KIF16B: variants seen among roughly 807,000 people sequenced by gnomAD.
KIF16B encodes the protein kinesin-like protein KIF16B.
In KIF16B, 98 loss-of-function variants were observed where a neutral mutation model predicts 156.3. The observed-to-expected ratio is 0.63, with a 90% confidence interval of 0.53 to 0.74. The LOEUF is 0.74. KIF16B is among the 30% of genes least tolerant of loss of function. The pLI, the probability that KIF16B is intolerant of heterozygous loss-of-function variation, is 0.00. For synonymous variants in KIF16B, 564 were observed against 583.7 expected, an observed-to-expected ratio of 0.97 and a Z score of 0.49; for missense variants, 1,421 against 1,606.5, an observed-to-expected ratio of 0.88 and a Z score of 1.97.
At chr20:16,347,508 G>T (rs892784555) in intron 23 of KIF16B, among the ~76,000 whole-genome samples, 13 of 152,140 alleles carry the variant, frequency 8.5e-5, no homozygotes, top group Admixed American at 7.9e-4. Context: ...AGATAAATAT[G>T]GCTGTCCAAG....
At position 16,475,598 on chromosome 20, in the gene KIF16B, G is replaced by A. The variant is rs143352030; in HGVS notation, c.1302+18693C>T. ...CAGAGGTTACTTGGCTAGAGTGGAC[G>A]TTACCAAATGTACAACGAAGGATGA... On this transcript the variant is annotated intron_variant, in intron 12 of 25. Coordinates refer to ENST00000354981, the MANE Select transcript of KIF16B (RefSeq NM_024704.5). Among the ~76,000 whole-genome samples, 73 of 152,282 alleles carry A rather than the reference G, an allele frequency of 4.8e-4. No individual in the cohort carries two copies. The East Asian group carries it at 0.013, about 27-fold the overall frequency.
At chr20:16,280,359 A>T (rs1423416248) in intron 25 of KIF16B, among the ~76,000 whole-genome samples, 1 of 152,188 alleles carries the variant, frequency 6.6e-6, no homozygotes. Flanking sequence ...ATTTTAGACC[A>T]GGGGATGGAG....
At chr20:16,295,256 T>C (rs1053125882) in intron 25 of KIF16B, among the ~76,000 whole-genome samples, 1 of 152,174 alleles carries the variant, frequency 6.6e-6, no homozygotes, top group African/African-American at 2.4e-5. Context: ...CAGGCCACGG[T>C]GGCTGCTGGC....
At chr20:16,316,594 G>C (rs1042174175) in intron 24 of KIF16B, among the ~76,000 whole-genome samples, 7 of 152,124 alleles carry the variant, frequency 4.6e-5, no homozygotes, top group African/African-American at 1.7e-4. Context: ...TGAATGACTG[G>C]AATGAAGAAG....
rs1165831837 is a variant in KIF16B, at chr20:16,511,476, T to C, written c.498A>G (p.Ser166=). Residue 166 remains serine (S), a synonymous_variant, in exon 6 of 26, where the codon TCA becomes TCG. Transcript: ENST00000354981. ...ERVRDLLRRK[S]SKTFNLRVRE... ...GGACTCTCAAATTGAAGGTTTTAGATGACTTCCGCCGAAGTAGATCTCTCA... is the reference window on the plus strand; with the variant it reads ...GGACTCTCAAATTGAAGGTTTTAGACGACTTCCGCCGAAGTAGATCTCTCA... The C allele has an allele frequency of 5.6e-6, 9 of 1,613,048 alleles. No homozygotes were observed. Among genetic ancestry groups the C allele is most frequent in the Non-Finnish European group, 7.6e-6 (9 of 1,179,378 alleles).
At chr20:16,420,572 C>T (rs1210759097) in intron 15 of KIF16B, among the ~76,000 whole-genome samples, 1 of 152,124 alleles carries the variant, frequency 6.6e-6, no homozygotes, top group Non-Finnish European at 1.5e-5. Flanking sequence ...ACCAGGAATC[C>T]AGTCAATTGT....
intron 10 of KIF16B, among the ~76,000 whole-genome samples, chr20:16,499,705 A>G (rs6135765): frequency 0.23 from 34,383 of 152,156 alleles, 4,457 homozygotes; most frequent in East Asian, 0.35. Flanking sequence ...ATCAAAGCTG[A>G]AACAGTTCTG....
chr20:16,414,380 C>T (rs548692554), intron 15 of KIF16B, among the ~76,000 whole-genome samples: 1 of 152,234 alleles, frequency 6.6e-6, no homozygotes, highest in African/African-American at 2.4e-5. Flanking sequence ...ATCAGATCAT[C>T]AGTTAGTAAT....
At chr20:16,474,711 G>C in intron 12 of KIF16B, among the ~76,000 whole-genome samples, 1 of 152,142 alleles carries the variant, frequency 6.6e-6, no homozygotes, top group Non-Finnish European at 1.5e-5. Flanking sequence ...AAACCATAAG[G>C]GAGAGACCAA....
intron 22 of KIF16B, among the ~76,000 whole-genome samples, chr20:16,363,520 A>G (rs774327600): frequency 3.9e-5 from 6 of 152,198 alleles, no homozygotes; most frequent in Admixed American, 3.3e-4. Context: ...GTAGTAGTAC[A>G]TATCCTGAGT....
chr20:16,352,505 C>T (rs1400281020), intron 23 of KIF16B, among the ~76,000 whole-genome samples: 1 of 152,166 alleles, frequency 6.6e-6, no homozygotes, highest in African/African-American at 2.4e-5. Flanking sequence ...AGAAGATGAG[C>T]ATCTGGGAAC....
Position 16,335,925 on chromosome 20 carries a change from C to T in KIF16B, c.3711+1G>A. On this transcript the variant is annotated splice_donor_variant, in intron 24 of 25. Transcript: ENST00000354981. LOFTEE classifies it high-confidence loss of function. ...TCGGAGATAATAATTTCATAACTTA[C>T]CTCTGCATACTTTAACTTCAATGTT... The T allele has an allele frequency of 5.7e-6, 9 of 1,566,178 alleles. No individual in the cohort carries two copies. The highest frequency in any genetic ancestry group is 7.9e-6 in the Non-Finnish European group (9 of 1,139,622).
chr20:16,291,576 C>G lies in KIF16B; in HGVS notation c.3796-18165G>C, dbSNP rs191310135. ...TGGCAAAACCTGGATAGAAAGATGC[C>G]CCTGATCAAAGGGAAATCTCGTCAT... is the stretch of plus-strand genomic sequence containing the variant. On this transcript the variant is annotated intron_variant, in intron 25 of 25. Coordinates refer to ENST00000354981, the MANE Select transcript of KIF16B (RefSeq NM_024704.5). Among the ~76,000 whole-genome samples, 25 of 152,168 alleles carry G rather than the reference C, an allele frequency of 1.6e-4. No individual in the cohort carries two copies. The East Asian group carries it at 3.5e-3, about 21-fold the overall frequency.
intron 1 of KIF16B, among the ~76,000 whole-genome samples, chr20:16,529,260 T>C (rs2069660518): frequency 6.6e-6 from 1 of 152,180 alleles, no homozygotes. Context: ...TTTCTGCAAA[T>C]ATACTTTGAT....
At chr20:16,460,372 G>A (rs2067313538) in intron 12 of KIF16B, among the ~76,000 whole-genome samples, 1 of 152,190 alleles carries the variant, frequency 6.6e-6, no homozygotes, top group Admixed American at 6.5e-5. Context: ...CTTGAGGTTA[G>A]GAGTTTGAGA....
chr20:16,442,225 T>C (rs769537670), intron 12 of KIF16B, among the ~76,000 whole-genome samples: 3 of 152,066 alleles, frequency 2.0e-5, no homozygotes, highest in Non-Finnish European at 2.9e-5. Context: ...TGATGATATA[T>C]TGTATTCTTG....
At position 16,273,558 on chromosome 20, in the gene KIF16B, G is replaced by A; in HGVS notation, c.3796-147C>T. On this transcript the variant is annotated intron_variant, in intron 25 of 25. Coordinates refer to ENST00000354981, the MANE Select transcript of KIF16B (RefSeq NM_024704.5). Reference sequence around the variant, plus strand: ...ATAAAGAAATTAGCTGGACAGGGTGGTGCACTGAGGCAGGAGGATCACTTG... The same window carrying A: ...ATAAAGAAATTAGCTGGACAGGGTGATGCACTGAGGCAGGAGGATCACTTG... 3 of 639,728 alleles carry A rather than the reference G, an allele frequency of 4.7e-6. No homozygotes were observed. The South Asian group carries it at 5.8e-5, about 12-fold the overall frequency. The allele number at this position is 639,728 out of a possible 1,614,324, so 39.6% of individuals were successfully genotyped here.
chr20:16,471,752 G>T (rs962157441), intron 12 of KIF16B, among the ~76,000 whole-genome samples: 4 of 152,160 alleles, frequency 2.6e-5, no homozygotes, highest in Non-Finnish European at 5.9e-5. Context: ...ACTACCTAAA[G>T]TGATTACTAC....
At chr20:16,564,109 T>C (rs2147382843) in intron 1 of KIF16B, among the ~76,000 whole-genome samples, 1 of 152,282 alleles carries the variant, frequency 6.6e-6, no homozygotes, top group African/African-American at 2.4e-5. Context: ...CCTGGGTTTG[T>C]CATGTCCAGG....
Sources: gnomAD v4.1 joint callset for allele counts (sites outside exome capture counted in the v4.1 genomes callset) on GRCh38, gnomAD v4.1.1 for gene constraint, MANE v1.5 for transcripts, NCBI Gene and HGNC (gene_info 2026-07-23, HGNC 2026-07-21) for gene names.